RADX: variants seen among roughly 807,000 people sequenced by gnomAD.
RADX encodes the protein RPA1 related single stranded DNA binding protein, X-linked.
A neutral mutation model predicts 61.6 loss-of-function variants in RADX; 36 were observed. That is an observed-to-expected ratio of 0.58 (90% CI 0.45 to 0.77). The LOEUF (loss-of-function observed/expected upper bound fraction) is 0.77. Among genes scored for constraint, RADX ranks in the 30% least tolerant of loss-of-function variants. The pLI is 0.00. For missense variants in RADX, 497 were observed against 651.1 expected, an observed-to-expected ratio of 0.76 and a Z score of 2.58; for synonymous variants, 272 against 237.9, an observed-to-expected ratio of 1.14 and a Z score of -1.32.
chrX:106,664,024 A>C (rs781142096), intron 12 of RADX, among the ~76,000 whole-genome samples: 4 of 111,696 alleles, frequency 3.6e-5, no homozygotes, highest in Non-Finnish European at 7.5e-5. Flanking sequence ...TTTCTATATA[A>C]ATTTTATATC....
Position 106,622,675 on chromosome X carries a change from A to G in RADX, c.668A>G (p.His223Arg). The change falls in exon 2 of 14, where the codon CAT becomes CGT. Residue 223 changes from histidine (H) to arginine (R), a missense_variant. Transcript: ENST00000372548. ...GATACCAAAATAATTTCCCTTTCTCATCTTGAAATGACCTGGACTAACAGA... is the reference window on the plus strand; with the variant it reads ...GATACCAAAATAATTTCCCTTTCTCGTCTTGAAATGACCTGGACTAACAGA... ...FSDTKIISLSHLEMTWTNRRN... is the reference protein window; with the variant it reads ...FSDTKIISLSRLEMTWTNRRN... 8.7e-7 allele frequency: 1 copy of G among 1,143,841 alleles called. No homozygotes were observed. The highest frequency in any genetic ancestry group is 1.9e-5 in the South Asian group (1 of 52,471). 94.3% of individuals were successfully genotyped at this position (1,143,841 alleles called of 1,213,427 possible).
chrX:106,673,468 C>G (rs769599496), intron 13 of RADX, among the ~76,000 whole-genome samples: 8 of 110,054 alleles, frequency 7.3e-5, no homozygotes, highest in Non-Finnish European at 1.5e-4. Flanking sequence ...TGACTGGTGC[C>G]CTATCCTGCT....
At position 106,646,508 on chromosome X, in the gene RADX, G is replaced by T. The variant is rs1425247700; in HGVS notation, c.1905-1805G>T. On this transcript the variant is annotated intron_variant, in intron 10 of 13. Transcript: ENST00000372548. ...GTGGAAGAGACAGACTTTTAAACCTGTAATTTCAATATGATATGGTGAATG... is the reference window on the plus strand; with the variant it reads ...GTGGAAGAGACAGACTTTTAAACCTTTAATTTCAATATGATATGGTGAATG... Among the ~76,000 whole-genome samples the T allele has an allele frequency of 6.3e-5, 7 of 111,383 alleles. No individual in the cohort carries two copies. The Admixed American group carries it at 6.7e-4, about 11-fold the overall frequency.
At chrX:106,628,269 A>T (rs974102131) in intron 3 of RADX, among the ~76,000 whole-genome samples, 2 of 112,355 alleles carry the variant, frequency 1.8e-5, no homozygotes, top group African/African-American at 6.5e-5. Flanking sequence ...ACAGCTATGT[A>T]AGATAAACAA....
chrX:106,651,698 T>G (rs764262871), intron 11 of RADX, among the ~76,000 whole-genome samples: 2 of 110,510 alleles, frequency 1.8e-5, no homozygotes, highest in African/African-American at 3.3e-5. Flanking sequence ...TTATGGAAAA[T>G]AGAGATTTAT....
Position 106,662,184 on chromosome X carries a change from G to A in RADX, c.2148G>A (p.Lys716=), listed in dbSNP as rs1177322273. Residue 716 remains lysine (K), a synonymous_variant, in exon 12 of 14, where the codon AAG becomes AAA. Coordinates refer to ENST00000372548, the MANE Select transcript of RADX (RefSeq NM_018015.6). ...IPRKFMFEHR[K]FLSDQYNSQP... is the part of the protein sequence containing the mutation. ...GGAAATTTATGTTTGAACACAGAAA[G>A]TTTCTTAGTGACCAGTATAATTCTC... 8.3e-7 allele frequency: 1 copy of A among 1,208,506 alleles called. No individual in the cohort carries two copies. Among genetic ancestry groups the A allele is most frequent in the Non-Finnish European group, 1.1e-6 (1 of 894,581 alleles).
rs1927366214 is a variant in RADX, at chrX:106,636,659, C to A, written c.1408+12C>A. ...AGTGTTTATTACTGGTGAGTAATTT[C>A]TTTGTGTATATTATTAGAAATATAT... is the stretch of plus-strand genomic sequence containing the variant. On this transcript the variant is annotated intron_variant, in intron 7 of 13. Coordinates refer to ENST00000372548, the MANE Select transcript of RADX (RefSeq NM_018015.6). The A allele has an allele frequency of 7.3e-6, 7 of 955,021 alleles. No individual in the cohort carries two copies. The highest frequency in any genetic ancestry group is 6.2e-5 in the East Asian group (2 of 32,289). 78.7% of individuals were successfully genotyped at this position (955,021 alleles called of 1,213,427 possible).
intron 3 of RADX, 34 bp downstream of exon 3, chrX:106,625,316 T>G: frequency 1.0e-6 from 1 of 1,000,922 alleles, no homozygotes; most frequent in Non-Finnish European, 1.3e-6. Context: ...GTCTTATCGC[T>G]GTTTTGTTTA....
In RADX at chrX:106,612,454, T is replaced by C. The variant is rs1042733649; in HGVS notation, c.374T>C (p.Val125Ala). The change falls in exon 1 of 14, where the codon GTT becomes GCT. Residue 125 changes from valine (V) to alanine (A), a missense_variant. By Grantham distance (64) the Val-to-Ala change is moderately conservative. Coordinates refer to ENST00000372548, the MANE Select transcript of RADX (RefSeq NM_018015.6). ...NSLVYQNILK[V>A]GIQMRISRVS... ...CTCGTATATCAAAATATTCTTAAAGTTGGCATTCAAATGAGAATTTCCAGG... is the reference window on the plus strand; with the variant it reads ...CTCGTATATCAAAATATTCTTAAAGCTGGCATTCAAATGAGAATTTCCAGG... The C allele has an allele frequency of 4.1e-6, 5 of 1,210,031 alleles. No homozygotes were observed. Among genetic ancestry groups the C allele is most frequent in the Non-Finnish European group, 5.6e-6 (5 of 895,289 alleles).
intron 1 of RADX, among the ~76,000 whole-genome samples, chrX:106,615,317 A>G (rs1315435821): frequency 1.8e-5 from 2 of 111,967 alleles, no homozygotes; most frequent in African/African-American, 6.5e-5. Flanking sequence ...ATAGAACTTC[A>G]TTTACAAAAA....
At position 106,639,672 on chromosome X, in the gene RADX, A is replaced by G; in HGVS notation, c.1719A>G (p.Ala573=). ...GCAGTGCGACTGAAAGTGCCTCAGC[A>G]TCAGAAACACTTCGGGTATGGTGCC... The part of the protein sequence containing the change: ...PHSSATESAS[A]SETLRNANRP... The change falls in exon 9 of 14, where the codon GCA becomes GCG. Residue 573 remains alanine (A), a synonymous_variant. Transcript: ENST00000372548. 1 of 1,188,014 alleles carries G rather than the reference A, an allele frequency of 8.4e-7. No homozygotes were observed. The highest frequency in any genetic ancestry group is 1.9e-5 in the South Asian group (1 of 51,915).
At chrX:106,665,027 T>A (rs766959434) in intron 12 of RADX, among the ~76,000 whole-genome samples, 1 of 112,084 alleles carries the variant, frequency 8.9e-6, no homozygotes, top group African/African-American at 3.2e-5. Flanking sequence ...GAATGAGAGC[T>A]GAATATCGGA....
chrX:106,628,759 C>T (rs1927134733), intron 3 of RADX, among the ~76,000 whole-genome samples: 1 of 108,423 alleles, frequency 9.2e-6, no homozygotes, highest in South Asian at 4.1e-4. Context: ...TTCTCCTGCC[C>T]GAGTAGCTGG....
intron 6 of RADX, among the ~76,000 whole-genome samples, chrX:106,633,999 A>AT (rs1376505715): frequency 2.7e-5 from 3 of 111,668 alleles, no homozygotes; most frequent in South Asian, 3.7e-4. Context: ...AGGGGATGAC[A>AT]TTTTATTTTT....
chrX:106,673,689 C>A (rs995848143), intron 13 of RADX, among the ~76,000 whole-genome samples: 6 of 101,575 alleles, frequency 5.9e-5, no homozygotes, highest in African/African-American at 1.9e-4. Context: ...TCCCCCCCCA[C>A]ACACACACAC....
intron 11 of RADX, among the ~76,000 whole-genome samples, chrX:106,660,960 G>T (rs1320892691): frequency 9.0e-6 from 1 of 111,293 alleles, no homozygotes; most frequent in Admixed American, 9.6e-5. Context: ...TTATATGGTG[G>T]CAGGCAAGAG....
intron 11 of RADX, among the ~76,000 whole-genome samples, chrX:106,660,365 C>T (rs1928060403): frequency 8.9e-6 from 1 of 111,988 alleles, no homozygotes; most frequent in Non-Finnish European, 1.9e-5. Flanking sequence ...ACTTCTTCAT[C>T]TTCCCTTACA....
At chrX:106,648,013 A>G (rs1222294953) in intron 10 of RADX, among the ~76,000 whole-genome samples, 1 of 110,766 alleles carries the variant, frequency 9.0e-6, no homozygotes, top group Non-Finnish European at 1.9e-5. Context: ...TGCATGCACT[A>G]AATTTTAAAT....
At chrX:106,677,798 C>A (rs927202300) in intron 13 of RADX, among the ~76,000 whole-genome samples, 6 of 110,032 alleles carry the variant, frequency 5.5e-5, no homozygotes, top group Admixed American at 9.7e-5. Flanking sequence ...TACCAATAAG[C>A]TATTTATTTG....
Sources: allele counts gnomAD v4.1 joint callset (sites outside exome capture counted in the v4.1 genomes callset), GRCh38; gene constraint gnomAD v4.1.1; transcripts MANE v1.5; gene names NCBI Gene and HGNC (gene_info 2026-07-23, HGNC 2026-07-21).